The following SLC14A2 variants were observed in gnomAD, a reference collection of about 807,000 sequenced individuals.
The protein encoded by SLC14A2 is urea transporter 2.
In SLC14A2, 91 loss-of-function variants were observed where a neutral mutation model predicts 104.6. The ratio of observed to expected loss-of-function variants is 0.87; its 90% CI spans 0.73 to 1.04. The LOEUF is 1.04. Ranked by LOEUF, SLC14A2 falls within the 50% of genes least tolerant of loss-of-function variation. The pLI is 0.00. For missense variants in SLC14A2, 1,189 were observed against 1,156.0 expected (o/e 1.03, Z -0.41); for synonymous variants, 476 against 466.4 (o/e 1.02, Z -0.27).
chr18:45,388,064 C>CTTTTTTTTTTTTTT (rs58962313), intron 1 of SLC14A2, among the ~76,000 whole-genome samples: 1 of 69,052 alleles, frequency 1.4e-5, no homozygotes, highest in African/African-American at 6.0e-5. Flanking sequence ...TTGCTCATAT[C>CTTTTTTTTTTTTTT]TTTTTTTTTT....
At chr18:45,489,714 G>A (rs371271846) in intron 2 of SLC14A2, among the ~76,000 whole-genome samples, 5 of 152,110 alleles carry the variant, frequency 3.3e-5, no homozygotes, top group Admixed American at 6.5e-5. Context: ...GAAGACCTTC[G>A]CATCTCACTG....
At chr18:45,451,880 T>C (rs144274551) in intron 1 of SLC14A2, among the ~76,000 whole-genome samples, 2 of 152,322 alleles carry the variant, frequency 1.3e-5, no homozygotes, top group African/African-American at 4.8e-5. Context: ...CGGTTAATGA[T>C]TGCTTCCCAA....
At chr18:45,452,662 C>A (rs977473185) in intron 1 of SLC14A2, among the ~76,000 whole-genome samples, 2 of 152,208 alleles carry the variant, frequency 1.3e-5, no homozygotes, top group African/African-American at 4.8e-5. Flanking sequence ...GCCATGCACT[C>A]ACAAAAATGC....
intron 1 of SLC14A2, among the ~76,000 whole-genome samples, chr18:45,374,839 G>A (rs760130353): frequency 1.3e-5 from 2 of 152,264 alleles, no homozygotes; most frequent in Non-Finnish European, 2.9e-5. Context: ...GAAGGATTAG[G>A]GAACTCAAAC....
chr18:45,675,794 C>T (rs2046221858), intron 18 of SLC14A2, among the ~76,000 whole-genome samples: 1 of 147,042 alleles, frequency 6.8e-6, no homozygotes, highest in South Asian at 2.1e-4. Context: ...GCCCACTCAG[C>T]CTCACAAACA....
At chr18:45,318,964 C>T (rs1046053642) in intron 1 of SLC14A2, among the ~76,000 whole-genome samples, 2 of 152,116 alleles carry the variant, frequency 1.3e-5, no homozygotes, top group Non-Finnish European at 2.9e-5. Flanking sequence ...ACTAGAGAAT[C>T]TGATTCTGAG....
the SLC14A2 span, among the ~76,000 whole-genome samples, chr18:45,180,592 G>A: frequency 1.3e-5 from 2 of 152,114 alleles, no homozygotes; most frequent in Non-Finnish European, 2.9e-5. Context: ...TTTATTAACA[G>A]ACTTTGTAAA....
intron 2 of SLC14A2, among the ~76,000 whole-genome samples, chr18:45,508,134 T>C (rs907957446): frequency 6.6e-6 from 1 of 152,166 alleles, no homozygotes; most frequent in Non-Finnish European, 1.5e-5. Flanking sequence ...TCTGCGTAGA[T>C]CTCATGTTCT....
the SLC14A2 span, among the ~76,000 whole-genome samples, chr18:45,203,498 C>T: frequency 0.56 from 85,127 of 151,978 alleles, 24,384 homozygotes; most frequent in Non-Finnish European, 0.63. Flanking sequence ...TTCTTTTCAT[C>T]TCCCTTCCCA....
intron 1 of SLC14A2, among the ~76,000 whole-genome samples, chr18:45,232,911 G>GTGT (rs2084188692): frequency 6.6e-6 from 1 of 152,204 alleles, no homozygotes; most frequent in Non-Finnish European, 1.5e-5. Flanking sequence ...TACCGGTGCT[G>GTGT]TGTTGGTTCA....
In SLC14A2 at chr18:45,236,897, G is replaced by T. The variant is rs796705474; in HGVS notation, c.-125+23706G>T. Among the ~76,000 whole-genome samples, 6 of 152,060 alleles carry T rather than the reference G, an allele frequency of 3.9e-5. No individual in the cohort carries two copies. The South Asian group carries it at 1.0e-3, about 26-fold the overall frequency. On this transcript the variant is annotated intron_variant, in intron 1 of 20. Coordinates refer to the SLC14A2 transcript ENST00000586448. ...AGCTTAGCAGAGTCAACCAATGTCT[G>T]TTGGTGGGAAATCACTTTAAACATC... is the stretch of plus-strand genomic sequence containing the variant.
intron 1 of SLC14A2, among the ~76,000 whole-genome samples, chr18:45,622,195 G>A (rs1356748065): frequency 6.6e-6 from 1 of 152,206 alleles, no homozygotes; most frequent in Non-Finnish European, 1.5e-5. Flanking sequence ...ATATCCAAAT[G>A]AAAGTCATTG....
intron 8 of SLC14A2, 47 bp downstream of exon 8, chr18:45,641,390 T>A (rs766508460): frequency 3.7e-6 from 6 of 1,606,856 alleles, no homozygotes; most frequent in Middle Eastern, 1.7e-4. Context: ...GGCTATTCCT[T>A]CCCCCCTTGT....
intron 2 of SLC14A2, among the ~76,000 whole-genome samples, chr18:45,516,220 G>C (rs2043438862): frequency 1.3e-5 from 2 of 151,878 alleles, no homozygotes; most frequent in Non-Finnish European, 1.5e-5. Flanking sequence ...CCTCACTACT[G>C]TTTCCCTTCC....
chr18:45,614,171 T>C (rs571310410), upstream of SLC14A2, among the ~76,000 whole-genome samples: 12 of 152,298 alleles, frequency 7.9e-5, no homozygotes, highest in Non-Finnish European at 1.5e-4. Flanking sequence ...CTTCAGAGGG[T>C]GCAAGCCTCA....
In SLC14A2 at chr18:45,682,494, A is replaced by T. The variant is rs575984038; in HGVS notation, c.2738A>T (p.Lys913Met). ...AACAGAAGGGCATCAATCATAACAA[A>T]GTATCAGGCCTACGATGTCTCCTAA... ...ERNRRASIIT[K>M]YQAYDVS is the part of the protein sequence containing the mutation. The change falls in exon 20 of 20, where the codon AAG becomes ATG. Residue 913 changes from lysine (K) to methionine (M), a missense_variant. Transcript: ENST00000255226. 4.1e-5 allele frequency: 66 copies of T among 1,614,164 alleles called. No homozygotes were observed. The Admixed American group carries it at 1.1e-3, about 26-fold the overall frequency.
chr18:45,397,755 T>C (rs1263836609), intron 1 of SLC14A2, among the ~76,000 whole-genome samples: 1 of 152,108 alleles, frequency 6.6e-6, no homozygotes, highest in Admixed American at 6.6e-5. Flanking sequence ...TGCCACTTAC[T>C]AGCTATGGAA....
intron 1 of SLC14A2, among the ~76,000 whole-genome samples, chr18:45,402,145 A>AGTTCCTT (rs2086103120): frequency 3.9e-5 from 6 of 152,152 alleles, no homozygotes; most frequent in African/African-American, 1.2e-4. Flanking sequence ...GGAGGTCTTA[A>AGTTCCTT]TAGAGAACTG....
chr18:45,191,941 A>G, the SLC14A2 span, among the ~76,000 whole-genome samples: 1 of 152,192 alleles, frequency 6.6e-6, no homozygotes, highest in East Asian at 1.9e-4. Flanking sequence ...GGTATATTTG[A>G]TGAACTGTTA....
Sources: gnomAD v4.1 joint callset for allele counts (sites outside exome capture counted in the v4.1 genomes callset) on GRCh38, gnomAD v4.1.1 for gene constraint, MANE v1.5 for transcripts, NCBI Gene and HGNC (gene_info 2026-07-23, HGNC 2026-07-21) for gene names.